Variants in RALGPS1 observed in about 807,000 individuals in gnomAD.
RALGPS1 encodes ras-specific guanine nucleotide-releasing factor RalGPS1.
RALGPS1 carries 19 observed loss-of-function variants against 78.8 expected under a neutral mutation model. The ratio of observed to expected loss-of-function variants is 0.24; its 90% CI spans 0.17 to 0.35. The LOEUF (loss-of-function observed/expected upper bound fraction) is 0.35, where lower values mean the gene tolerates loss of function less well. Ranked by LOEUF, RALGPS1 falls within the 10% of genes least tolerant of loss-of-function variation. RALGPS1 has a pLI of 1.00. For synonymous variants in RALGPS1, 228 were observed against 256.3 expected (o/e 0.89, Z 1.06); for missense variants, 454 against 688.3 (o/e 0.66, Z 3.81).
At chr9:127,182,344 T>TCCTG (rs1343574015) in intron 11 of RALGPS1, among the ~76,000 whole-genome samples, 6 of 144,000 alleles carry the variant, frequency 4.2e-5, no homozygotes, top group Non-Finnish European at 9.1e-5. Flanking sequence ...CTTCCTTCCT[T>TCCTG]CCTTCCTCCC....
chr9:127,101,366 A>G (rs1308698054), intron 8 of RALGPS1, among the ~76,000 whole-genome samples: 2 of 152,178 alleles, frequency 1.3e-5, no homozygotes, highest in African/African-American at 4.8e-5. Flanking sequence ...ACACCACATT[A>G]GGATTGTTGG....
At chr9:126,961,573 G>C (rs150968759) in intron 1 of RALGPS1, among the ~76,000 whole-genome samples, 32 of 152,326 alleles carry the variant, frequency 2.1e-4, no homozygotes, top group African/African-American at 7.2e-4. Context: ...GGAGGCCCAG[G>C]TGGGAGGATT....
At chr9:127,133,457 C>T (rs889240798) in intron 8 of RALGPS1, among the ~76,000 whole-genome samples, 1 of 152,236 alleles carries the variant, frequency 6.6e-6, no homozygotes, top group Admixed American at 6.5e-5. Context: ...AGGTGGCGTC[C>T]CCGTCTGCAG....
chr9:127,034,502 G>C lies in RALGPS1; in HGVS notation c.288G>C (p.Arg96=). The change falls in exon 5 of 19, where the codon CGG becomes CGC. Residue 96 remains arginine, a synonymous_variant. Coordinates refer to ENST00000259351, the MANE Select transcript of RALGPS1 (RefSeq NM_014636.3). ...CCCCTAACGTTGTGGCCTTTACCCG[G>C]AGGTTTAACCAGGTAAGCAACACCC... ...SLAPNVVAFT[R]RFNQVSFWVV... is the part of the protein sequence containing the mutation. 6.2e-7 allele frequency: 1 copy of C among 1,614,074 alleles called. No homozygotes were observed.
In RALGPS1 at chr9:127,218,634, A is replaced by G; in HGVS notation, c.1645-106A>G. 8.1e-7 allele frequency: 1 copy of G among 1,231,014 alleles called. No individual in the cohort carries two copies. Among genetic ancestry groups the G allele is most frequent in the East Asian group, 2.3e-5 (1 of 43,004 alleles). The allele number at this position is 1,231,014 out of a possible 1,614,324, so 76.3% of individuals were successfully genotyped here. ...TACCCTCTCCCTACCCAACCTGCTC[A>G]TTCCCAGACTCACGGGGAAAGGCCT... On this transcript the variant is annotated intron_variant, in intron 18 of 18. Transcript: ENST00000259351. The surrounding 1 kb of genome is among the most constrained non-coding windows in gnomAD (Gnocchi z 4.4).
chr9:126,957,298 T>A (rs1271951376), intron 1 of RALGPS1, among the ~76,000 whole-genome samples: 1 of 152,180 alleles, frequency 6.6e-6, no homozygotes. Context: ...CTGTGAGACT[T>A]GAGAATTCAG....
At chr9:127,117,588 G>C (rs2055570320) in intron 8 of RALGPS1, among the ~76,000 whole-genome samples, 2 of 152,216 alleles carry the variant, frequency 1.3e-5, no homozygotes, top group African/African-American at 4.8e-5. Flanking sequence ...GGGGCTGTGG[G>C]GCACCTGACC....
chr9:126,926,274 A>G (rs957527555), intron 1 of RALGPS1, among the ~76,000 whole-genome samples: 23 of 152,166 alleles, frequency 1.5e-4, no homozygotes, highest in Non-Finnish European at 3.1e-4. Flanking sequence ...TGCAGACCCT[A>G]CCCTCAGGAG....
At chr9:126,964,355 C>T (rs1159888065) in intron 2 of RALGPS1, among the ~76,000 whole-genome samples, 3 of 133,410 alleles carry the variant, frequency 2.2e-5, no homozygotes, top group Admixed American at 8.3e-5. Context: ...GGTGACAGAG[C>T]GAGACTCCCA....
chr9:127,213,421 G>T (rs1050139933), intron 17 of RALGPS1, among the ~76,000 whole-genome samples: 5 of 152,238 alleles, frequency 3.3e-5, no homozygotes, highest in African/African-American at 1.2e-4. Context: ...TCACATGCCT[G>T]TGCCATAAGA....
At chr9:126,944,062 A>T (rs1376791179) in intron 1 of RALGPS1, among the ~76,000 whole-genome samples, 1 of 152,212 alleles carries the variant, frequency 6.6e-6, no homozygotes, top group Non-Finnish European at 1.5e-5. Flanking sequence ...CTCGCAGCCC[A>T]TGGGGGCCTC....
chr9:126,936,161 G>A (rs2036238544), intron 1 of RALGPS1, among the ~76,000 whole-genome samples: 1 of 152,220 alleles, frequency 6.6e-6, no homozygotes, highest in South Asian at 2.1e-4. Context: ...GGCAGCAGGA[G>A]GTCAAGCAGT....
intron 8 of RALGPS1, among the ~76,000 whole-genome samples, chr9:127,135,418 A>G (rs1423247859): frequency 6.6e-6 from 1 of 152,212 alleles, no homozygotes; most frequent in Non-Finnish European, 1.5e-5. Flanking sequence ...ATGGCTAGCC[A>G]GGTGGCTGCT....
intron 8 of RALGPS1, among the ~76,000 whole-genome samples, chr9:127,101,531 A>T (rs971462765): frequency 9.9e-5 from 15 of 152,068 alleles, no homozygotes; most frequent in African/African-American, 3.6e-4. Context: ...CACCATCCTG[A>T]GCTGCATCCC....
chr9:127,089,281 G>T, intron 8 of RALGPS1: 1 of 810,516 alleles, frequency 1.2e-6, no homozygotes, highest in Non-Finnish European at 2.0e-6. Flanking sequence ...TCCATGGGTG[G>T]TGAGAGGCCA....
chr9:127,169,304 G>A (rs1276223579), intron 10 of RALGPS1, among the ~76,000 whole-genome samples: 1 of 152,126 alleles, frequency 6.6e-6, no homozygotes, highest in Admixed American at 6.5e-5. Context: ...CTCCTTCCCC[G>A]TAGAGCCCCA....
At chr9:127,006,067 A>G (rs2043813235) in intron 4 of RALGPS1, among the ~76,000 whole-genome samples, 1 of 152,236 alleles carries the variant, frequency 6.6e-6, no homozygotes, top group Non-Finnish European at 1.5e-5. Context: ...ACCTCAAAGT[A>G]ATAATAGCCA....
At position 126,934,837 on chromosome 9, in the gene RALGPS1, C is replaced by CT. The variant is rs547085958; in HGVS notation, c.-66+19863dup. Reference sequence around the variant, plus strand: ...CTGTACCTACCCAGAAGCCCCCCTCCTCTCTTCTTTCCAGTTCACCTCCCT... The same window carrying CT: ...CTGTACCTACCCAGAAGCCCCCCTCCTTCTCTTCTTTCCAGTTCACCTCCCT... On this transcript the variant is annotated intron_variant, in intron 1 of 18. Coordinates refer to ENST00000259351, the MANE Select transcript of RALGPS1 (RefSeq NM_014636.3). Among the ~76,000 whole-genome samples, 314 of 152,314 alleles carry CT rather than the reference C, an allele frequency of 2.1e-3. 1 individual carries two copies. Among genetic ancestry groups the CT allele is most frequent in the African/African-American group, 7.1e-3 (297 of 41,574 alleles).
chr9:127,018,971 T>A (rs2045177331), intron 4 of RALGPS1, among the ~76,000 whole-genome samples: 1 of 152,234 alleles, frequency 6.6e-6, no homozygotes, highest in African/African-American at 2.4e-5. Flanking sequence ...ATGACTATAT[T>A]GAGTTAAATA....
Sources: allele counts gnomAD v4.1 joint callset (sites outside exome capture counted in the v4.1 genomes callset), GRCh38; gene constraint gnomAD v4.1.1; non-coding constraint Gnocchi (gnomAD v3.1); transcripts MANE v1.5; gene names NCBI Gene and HGNC (gene_info 2026-07-23, HGNC 2026-07-21).